The following ZFHX3 variants were observed in gnomAD, a reference collection of about 807,000 sequenced individuals.
ZFHX3 encodes the protein zinc finger homeobox protein 3.
A neutral mutation model predicts 279.1 loss-of-function variants in ZFHX3; 42 were observed. That is an observed-to-expected ratio of 0.15 (90% confidence interval 0.12 to 0.19). The LOEUF is 0.19. ZFHX3 is among the 10% of genes least tolerant of loss of function. The pLI is 1.00. For synonymous variants in ZFHX3, 2,293 were observed against 1,957.8 expected, an observed-to-expected ratio of 1.17 and a Z score of -4.52; for missense variants, 4,981 against 4,754.0, an observed-to-expected ratio of 1.05 and a Z score of -1.40.
intron 2 of ZFHX3, among the ~76,000 whole-genome samples, chr16:73,530,251 A>T (rs935905867): frequency 1.3e-5 from 2 of 152,068 alleles, no homozygotes; most frequent in African/African-American, 4.8e-5. Flanking sequence ...CCATGAGAAC[A>T]GTATGGGGGA....
intron 4 of ZFHX3, among the ~76,000 whole-genome samples, chr16:73,300,595 C>T (rs1029889479): frequency 6.6e-6 from 1 of 152,210 alleles, no homozygotes; most frequent in Non-Finnish European, 1.5e-5. Context: ...CCTCTGCTCC[C>T]CAGGTTCAGG....
chr16:72,833,315 GT>G (rs927939469), intron 4 of ZFHX3, among the ~76,000 whole-genome samples: 10 of 152,182 alleles, frequency 6.6e-5, no homozygotes, highest in African/African-American at 2.4e-4. Context: ...TGGAGGGGAG[GT>G]TTTTTGCTTT....
At chr16:73,547,723 G>A (rs1030288421) in intron 2 of ZFHX3, among the ~76,000 whole-genome samples, 3 of 152,164 alleles carry the variant, frequency 2.0e-5, no homozygotes, top group African/African-American at 7.2e-5. Flanking sequence ...ACATGTCCCT[G>A]ATGGACACAA....
At chr16:72,960,291 G>A (rs533407429) in intron 1 of ZFHX3, 97 bp from the exon 2 acceptor site, 7 of 1,005,064 alleles carry the variant, frequency 7.0e-6, no homozygotes, top group East Asian at 2.7e-5. Context: ...CTACCGCACG[G>A]AGCGCTCTAA....
intron 3 of ZFHX3, among the ~76,000 whole-genome samples, chr16:73,377,274 C>T (rs1808419): frequency 0.87 from 132,856 of 152,058 alleles, 58,462 homozygotes; most frequent in Non-Finnish European, 0.91. Context: ...GCCTGGCCCA[C>T]GGCTACTTTT....
intron 2 of ZFHX3, among the ~76,000 whole-genome samples, chr16:73,597,020 C>T (rs2052057785): frequency 6.6e-6 from 1 of 152,314 alleles, no homozygotes; most frequent in South Asian, 2.1e-4. Context: ...ACAGTCTGTT[C>T]CACCAGACAT....
intron 4 of ZFHX3, among the ~76,000 whole-genome samples, chr16:72,864,568 C>A (rs1026448338): frequency 1.3e-5 from 2 of 152,182 alleles, no homozygotes; most frequent in Non-Finnish European, 2.9e-5. Context: ...GATAGACACA[C>A]AAGTAAAGCT....
At chr16:72,977,328 G>A (rs181766024) in intron 1 of ZFHX3, among the ~76,000 whole-genome samples, 3 of 152,234 alleles carry the variant, frequency 2.0e-5, no homozygotes, top group Middle Eastern at 3.4e-3. Flanking sequence ...GAGGGTTGGC[G>A]GGTTGACACA....
rs547878065 is a variant in ZFHX3 at position 72,784,204 on chromosome 16, C to T, written c.*2960G>A. 6.6e-6 allele frequency: 1 copy of T among 152,116 alleles called. No homozygotes were observed. The highest frequency in any genetic ancestry group is 1.5e-5 in the Non-Finnish European group (1 of 68,002). The allele number at this position is 152,116 out of a possible 1,614,324, so 9.4% of individuals were successfully genotyped here. ...GCTCAAGGCATGGCATAACAAAACACTGACAGTCACTCTGCCTCACAGAGG... is the reference window on the plus strand; with the variant it reads ...GCTCAAGGCATGGCATAACAAAACATTGACAGTCACTCTGCCTCACAGAGG... On this transcript the variant is annotated 3_prime_UTR_variant, in exon 10 of 10. Transcript: ENST00000268489.
At chr16:73,064,791 T>C (rs6499607) in intron 8 of ZFHX3, among the ~76,000 whole-genome samples, 125,385 of 152,214 alleles carry the variant, frequency 0.82, 52,200 homozygotes, top group African/African-American at 0.94. Flanking sequence ...TTCCTCAGCT[T>C]CTTTGCAATG....
chr16:73,259,206 G>C (rs1244324238), intron 4 of ZFHX3, among the ~76,000 whole-genome samples: 1 of 152,220 alleles, frequency 6.6e-6, no homozygotes, highest in Non-Finnish European at 1.5e-5. Flanking sequence ...ACAGCTAGAT[G>C]TGGGATTCCT....
intron 2 of ZFHX3, among the ~76,000 whole-genome samples, chr16:73,548,678 G>A (rs796616548): frequency 1.1e-4 from 16 of 151,442 alleles, no homozygotes; most frequent in African/African-American, 3.9e-4. Flanking sequence ...CAGAAACATG[G>A]TATATACAAC....
chr16:73,726,508 G>T (rs963004133), intron 1 of ZFHX3, among the ~76,000 whole-genome samples: 1 of 152,136 alleles, frequency 6.6e-6, no homozygotes, highest in East Asian at 1.9e-4. Flanking sequence ...GTAGTAGTCC[G>T]TTCTTGCATC....
chr16:73,624,184 G>A (rs1485189998), intron 2 of ZFHX3, among the ~76,000 whole-genome samples: 1 of 152,064 alleles, frequency 6.6e-6, no homozygotes, highest in African/African-American at 2.4e-5. Context: ...TACATTACAT[G>A]GTGCCAGAAA....
chr16:73,465,000 C>T (rs951131400), intron 2 of ZFHX3, among the ~76,000 whole-genome samples: 1 of 152,214 alleles, frequency 6.6e-6, no homozygotes, highest in African/African-American at 2.4e-5. Flanking sequence ...GGCAGGCAGG[C>T]TGGATGTGCA....
intron 2 of ZFHX3, among the ~76,000 whole-genome samples, chr16:73,528,716 CATAGCCTCTTGTTCAG>C (rs1323368145): frequency 6.6e-6 from 1 of 152,202 alleles, no homozygotes; most frequent in African/African-American, 2.4e-5. Context: ...ATGTGTTGGC[CATAGCCTCTTGTTCAG>C]TCTTGTTTTG....
At chr16:73,146,423 T>C (rs910704097) in intron 5 of ZFHX3, among the ~76,000 whole-genome samples, 2 of 143,514 alleles carry the variant, frequency 1.4e-5, no homozygotes, top group African/African-American at 5.1e-5. Flanking sequence ...CGAGACTCCA[T>C]CTCAAAAGAA....
At chr16:72,916,909 T>C (rs1243141134) in intron 3 of ZFHX3, among the ~76,000 whole-genome samples, 1 of 152,124 alleles carries the variant, frequency 6.6e-6, no homozygotes, top group Non-Finnish European at 1.5e-5. Context: ...GGAGTGAATG[T>C]GATCTTGGCA....
chr16:72,821,292 G>T lies in ZFHX3; in HGVS notation c.3529+8487C>A, dbSNP rs193181444. Among the ~76,000 whole-genome samples the T allele has an allele frequency of 1.1e-4, 16 of 152,314 alleles. No homozygotes were observed. In the East Asian group the frequency reaches 3.1e-3, roughly 29 times the overall value. On this transcript the variant is annotated intron_variant, in intron 5 of 9. Coordinates refer to ENST00000268489, the MANE Select transcript of ZFHX3 (RefSeq NM_006885.4). ...TCAGGTCCCTGCAAGGCTGGAAAAT[G>T]GGAATGATTCTCCACTTTCCCCTCC... is the stretch of plus-strand genomic sequence containing the variant.
Sources: allele counts gnomAD v4.1 joint callset (sites outside exome capture counted in the v4.1 genomes callset), GRCh38; gene constraint gnomAD v4.1.1; transcripts MANE v1.5; gene names NCBI Gene and HGNC (gene_info 2026-07-23, HGNC 2026-07-21).